P2RX5: variants seen among roughly 807,000 people sequenced by gnomAD.
The protein encoded by P2RX5 is P2X purinoceptor 5.
Under a neutral mutation model 54.1 loss-of-function variants are expected in P2RX5, and 46 were observed. That is an observed-to-expected ratio of 0.85 (90% CI 0.67 to 1.09). The LOEUF is 1.09. Among genes scored for constraint, P2RX5 ranks in the 50% least tolerant of loss-of-function variants. The probability of loss-of-function intolerance (pLI) is 0.00; values close to 1 mark genes in which losing one functional copy is unlikely to be tolerated. For missense variants in P2RX5, 566 were observed against 549.8 expected (o/e 1.03, Z -0.29); for synonymous variants, 226 against 226.4 (o/e 1.00, Z 0.02).
chr17:3,711,356 G>A, the P2RX5 span, among the ~76,000 whole-genome samples: 1 of 138,578 alleles, frequency 7.2e-6, no homozygotes, highest in Admixed American at 7.2e-5. Context: ...ACAGGGCTGA[G>A]CCCAGCACTC....
Position 3,690,427 on chromosome 17 carries a change from T to C in P2RX5, c.533A>G (p.Glu178Gly). The change falls in exon 5 of 12, where the codon GAG becomes GGG. Residue 178 changes from glutamate (E) to glycine (G), a missense_variant and splice_region_variant. Physicochemically the swap from Glu to Gly is moderately conservative, Grantham distance 98. Transcript: ENST00000225328. ...GGGTCCTGAGGCTGCAGCCACTCAC[T>C]CCGGCCTGGAGCTTGTCTCCAACGG... is the stretch of plus-strand genomic sequence containing the variant. ...WCPLETSSRP[E>G]EPFLKEAEDF... 6.2e-7 allele frequency: 1 copy of C among 1,607,544 alleles called. No individual in the cohort carries two copies. Among genetic ancestry groups the C allele is most frequent in the Non-Finnish European group, 8.5e-7 (1 of 1,176,780 alleles).
Position 3,673,825 on chromosome 17 carries a change from A to G in P2RX5, c.*43T>C. ...AAGGCATGGGATCACTGGGTGCTAG[A>G]CGGCTGGGTTTAGGACAGGGCCTGA... On this transcript the variant is annotated 3_prime_UTR_variant, in exon 12 of 12. Coordinates refer to ENST00000225328, the MANE Select transcript of P2RX5 (RefSeq NM_002561.4). The G allele has an allele frequency of 1.2e-6, 2 of 1,612,656 alleles. No homozygotes were observed. The highest frequency in any genetic ancestry group is 2.7e-5 in the African/African-American group (2 of 75,010).
the P2RX5 span, chr17:3,723,252 G>A: frequency 1.5e-6 from 2 of 1,359,596 alleles, no homozygotes; most frequent in Non-Finnish European, 2.1e-6. Context: ...GTGAGCAACT[G>A]GATAATCAAA....
At chr17:3,720,717 G>C in the P2RX5 span, 4 of 200,272 alleles carry the variant, frequency 2.0e-5, no homozygotes, top group South Asian at 2.2e-4. Flanking sequence ...CGAGTAGCTG[G>C]AATTATGGGC....
At chr17:3,723,662 T>A in the P2RX5 span, 1 of 1,565,840 alleles carries the variant, frequency 6.4e-7, no homozygotes, top group Admixed American at 1.9e-5. Flanking sequence ...CGCCCTCCCC[T>A]GGCCTCTCGG....
intron 11 of P2RX5, chr17:3,676,179 C>CAGG (rs2050100009): frequency 1.0e-6 from 1 of 985,354 alleles, no homozygotes; most frequent in African/African-American, 1.7e-5. Context: ...GGTTTCTCAC[C>CAGG]TTGGGTTTAC....
In P2RX5 at chr17:3,691,803, AGGGGGCCG is replaced by A. The variant is rs767607326; in HGVS notation, c.138-17_138-10del. On this transcript the variant is annotated splice_polypyrimidine_tract_variant and intron_variant, in intron 1 of 11. Coordinates refer to ENST00000225328, the MANE Select transcript of P2RX5 (RefSeq NM_002561.4). ...TTATCAGGAACACCCATCTGTGGGA[AGGGGGCCG>A]GTACGTGGGCATCAGCCACTCTGCT... 6.2e-7 allele frequency: 1 copy of A among 1,613,996 alleles called. No homozygotes were observed. Among genetic ancestry groups the A allele is most frequent in the Non-Finnish European group, 8.5e-7 (1 of 1,179,986 alleles).
At chr17:3,703,025 C>T in the P2RX5 span, among the ~76,000 whole-genome samples, 2 of 152,184 alleles carry the variant, frequency 1.3e-5, no homozygotes, top group Non-Finnish European at 2.9e-5. Context: ...GAGCCCTCCC[C>T]TCCTCCAAAG....
chr17:3,696,740 G>C (rs2050766513), upstream of P2RX5, among the ~76,000 whole-genome samples: 1 of 152,234 alleles, frequency 6.6e-6, no homozygotes, highest in South Asian at 2.1e-4. Context: ...GCGCACGGCC[G>C]GGAAGAGCTC....
chr17:3,693,142 A>G (rs966404715), intron 1 of P2RX5, among the ~76,000 whole-genome samples: 1 of 151,198 alleles, frequency 6.6e-6, no homozygotes, highest in East Asian at 1.9e-4. Context: ...AAAAAAAAAA[A>G]AAAGAGAGAG....
the P2RX5 span, among the ~76,000 whole-genome samples, chr17:3,711,370 CTTTTTTTTTTTTTTTTT>C: frequency 3.2e-5 from 2 of 63,110 alleles, no homozygotes; most frequent in African/African-American, 1.6e-4. Flanking sequence ...AGCACTCATT[CTTTTTTTTTTTTTTTTT>C]TTTTTTTTTT....
chr17:3,702,985 C>T, the P2RX5 span, among the ~76,000 whole-genome samples: 1 of 152,158 alleles, frequency 6.6e-6, no homozygotes, highest in East Asian at 1.9e-4. Context: ...CCAAATGTAT[C>T]CAGTAAAAGC....
chr17:3,680,410 A>G (rs111433187), intron 10 of P2RX5, among the ~76,000 whole-genome samples: 2 of 24,896 alleles, frequency 8.0e-5, no homozygotes, highest in East Asian at 1.1e-3. Context: ...TCCTCCACCC[A>G]GCGTCCTCCA....
At position 3,690,697 on chromosome 17, in the gene P2RX5, G is replaced by T. The variant is rs770163871; in HGVS notation, c.361-17C>A. 1.9e-6 allele frequency: 3 copies of T among 1,611,820 alleles called. No homozygotes were observed. The highest frequency in any genetic ancestry group is 2.5e-6 in the Non-Finnish European group (3 of 1,179,102). ...GCCTTCATTCTGCCAGGAGAGAAGG[G>T]GCACCTGGATGGGGGGGTTCCCCCA... On this transcript the variant is annotated splice_polypyrimidine_tract_variant and intron_variant, in intron 3 of 11. Coordinates refer to ENST00000225328, the MANE Select transcript of P2RX5 (RefSeq NM_002561.4).
At chr17:3,696,291 C>A, upstream of P2RX5, 1 of 243,408 alleles carries the variant, frequency 4.1e-6, no homozygotes, top group East Asian at 8.9e-5. Flanking sequence ...TCCTCCTCCC[C>A]TGACACAGTG....
the P2RX5 span, chr17:3,716,542 T>A: frequency 9.4e-6 from 6 of 640,754 alleles, no homozygotes; most frequent in African/African-American, 3.6e-5. Flanking sequence ...TTTGTCTAAA[T>A]GGGGGTGTGC....
upstream of P2RX5, among the ~76,000 whole-genome samples, chr17:3,699,778 C>T (rs767209069): frequency 1.4e-5 from 2 of 147,680 alleles, no homozygotes; most frequent in Non-Finnish European, 3.0e-5. Flanking sequence ...GCACTCCAGC[C>T]TGGGTGACAG....
At chr17:3,706,787 TTC>T in the P2RX5 span, among the ~76,000 whole-genome samples, 197 of 152,314 alleles carry the variant, frequency 1.3e-3, 1 homozygote, top group African/African-American at 4.2e-3. Flanking sequence ...AATTTTTGTA[TTC>T]TTAGTGGAGA....
At chr17:3,693,127 CAAA>C (rs34356240) in intron 1 of P2RX5, among the ~76,000 whole-genome samples, 5 of 101,682 alleles carry the variant, frequency 4.9e-5, no homozygotes, top group Admixed American at 2.0e-4. Context: ...AGACATTTCT[CAAA>C]AAAAAAAAAA....
Sources: allele counts gnomAD v4.1 joint callset (sites outside exome capture counted in the v4.1 genomes callset), GRCh38; gene constraint gnomAD v4.1.1; transcripts MANE v1.5; gene names NCBI Gene and HGNC (gene_info 2026-07-23, HGNC 2026-07-21).